Variants in CNTN4 observed in about 807,000 individuals in gnomAD.
CNTN4 encodes contactin 4, also known as contactin-4.
Under a neutral mutation model 122.5 loss-of-function variants are expected in CNTN4, and 77 were observed. The observed-to-expected ratio is 0.63, with a 90% CI of 0.52 to 0.76. The LOEUF (loss-of-function observed/expected upper bound fraction) is 0.76. Ranked by LOEUF, CNTN4 falls within the 30% of genes least tolerant of loss-of-function variation. CNTN4 has a pLI of 0.00. For synonymous variants in CNTN4, 512 were observed against 447.0 expected, an observed-to-expected ratio of 1.15 and a Z score of -1.83; for missense variants, 1,256 against 1,259.1, an observed-to-expected ratio of 1.00 and a Z score of 0.04.
intron 13 of CNTN4, among the ~76,000 whole-genome samples, chr3:2,933,528 A>G (rs182069749): frequency 9.1e-4 from 138 of 152,282 alleles, no homozygotes; most frequent in Non-Finnish European, 1.1e-3. Context: ...TGCGTGACTC[A>G]GTTCCCAAGC....
chr3:2,543,602 TA>T (rs1402377296), intron 3 of CNTN4, among the ~76,000 whole-genome samples: 1 of 152,022 alleles, frequency 6.6e-6, no homozygotes, highest in Non-Finnish European at 1.5e-5. Context: ...GTGAGGATAA[TA>T]GGGAGCCAAA....
At chr3:2,523,938 T>C (rs922723338) in intron 3 of CNTN4, among the ~76,000 whole-genome samples, 1 of 152,134 alleles carries the variant, frequency 6.6e-6, no homozygotes, top group Non-Finnish European at 1.5e-5. Context: ...TTGGAAAACC[T>C]TAAGGGAAAT....
chr3:2,240,661 C>T (rs765292277), intron 2 of CNTN4, among the ~76,000 whole-genome samples: 4 of 151,982 alleles, frequency 2.6e-5, no homozygotes, highest in Non-Finnish European at 5.9e-5. Context: ...TTAGTCATTG[C>T]ATTGTTTAGG....
intron 6 of CNTN4, among the ~76,000 whole-genome samples, chr3:2,795,520 C>T (rs1477778428): frequency 7.2e-6 from 1 of 139,130 alleles, no homozygotes; most frequent in Admixed American, 7.3e-5. Flanking sequence ...AAATGGGTAT[C>T]TTTTTTTTTT....
chr3:2,512,841 G>C (rs1005476173), intron 3 of CNTN4, among the ~76,000 whole-genome samples: 1 of 152,156 alleles, frequency 6.6e-6, no homozygotes, highest in Non-Finnish European at 1.5e-5. Flanking sequence ...TGAGTAGGCA[G>C]TAAGTCTCAA....
intron 2 of CNTN4, among the ~76,000 whole-genome samples, chr3:2,308,380 G>T (rs1429458666): frequency 6.6e-6 from 1 of 151,434 alleles, no homozygotes; most frequent in African/African-American, 2.4e-5. Flanking sequence ...TTTTTCTGTT[G>T]TTTTTTGTTT....
chr3:2,164,205 CA>C (rs777529728), intron 2 of CNTN4, among the ~76,000 whole-genome samples: 1 of 151,200 alleles, frequency 6.6e-6, no homozygotes, highest in African/African-American at 2.4e-5. Context: ...AAAATTAAAA[CA>C]AAGAAGAAAG....
chr3:2,122,144 C>G (rs141626341), intron 2 of CNTN4, among the ~76,000 whole-genome samples: 17,966 of 147,686 alleles, frequency 0.12, 1,466 homozygotes, highest in East Asian at 0.44. Flanking sequence ...GACAGAGCGA[C>G]ACTCCATCTC....
chr3:2,883,298 A>G (rs772909453), intron 9 of CNTN4, 51 bp downstream of exon 9: 7 of 1,394,822 alleles, frequency 5.0e-6, no homozygotes, highest in Middle Eastern at 1.8e-4. Context: ...TTGAGCAGGT[A>G]TAGAGTTTTT....
intron 2 of CNTN4, among the ~76,000 whole-genome samples, chr3:2,132,895 C>T (rs1266844345): frequency 6.6e-6 from 1 of 152,092 alleles, no homozygotes; most frequent in Admixed American, 6.6e-5. Flanking sequence ...AAAGTGACAG[C>T]GAGTCAAAGA....
intron 2 of CNTN4, among the ~76,000 whole-genome samples, chr3:2,189,635 A>AGG (rs1300199948): frequency 6.6e-6 from 1 of 152,176 alleles, no homozygotes; most frequent in East Asian, 1.9e-4. Context: ...AAAAAGAATG[A>AGG]GGGGCTGGAG....
At chr3:2,645,446 A>G (rs1180573492) in intron 4 of CNTN4, among the ~76,000 whole-genome samples, 2 of 152,182 alleles carry the variant, frequency 1.3e-5, no homozygotes, top group Admixed American at 6.5e-5. Flanking sequence ...ACATAGAACA[A>G]TTTATTCTTT....
At chr3:2,340,315 A>G (rs551717641) in intron 3 of CNTN4, among the ~76,000 whole-genome samples, 10 of 152,240 alleles carry the variant, frequency 6.6e-5, no homozygotes, top group African/African-American at 1.2e-4. Flanking sequence ...TTCCATTGGT[A>G]TACATAAAAT....
intron 3 of CNTN4, among the ~76,000 whole-genome samples, chr3:2,381,508 A>G (rs75208536): frequency 0.011 from 1,631 of 152,254 alleles, 30 homozygotes; most frequent in African/African-American, 0.036. Context: ...TCTTTGAACT[A>G]TAGTGTTCTG....
chr3:2,538,477 T>A (rs2149279858), intron 3 of CNTN4, among the ~76,000 whole-genome samples: 1 of 152,240 alleles, frequency 6.6e-6, no homozygotes, highest in African/African-American at 2.4e-5. Flanking sequence ...CTATGTTATT[T>A]CTAATAGTTT....
intron 2 of CNTN4, among the ~76,000 whole-genome samples, chr3:2,155,628 G>C (rs2035685487): frequency 6.6e-6 from 1 of 152,170 alleles, no homozygotes; most frequent in African/African-American, 2.4e-5. Context: ...ACAGTGATCT[G>C]GAAGGGTCTT....
intron 4 of CNTN4, among the ~76,000 whole-genome samples, chr3:2,728,436 G>T (rs1436339014): frequency 6.6e-6 from 1 of 152,176 alleles, no homozygotes; most frequent in Non-Finnish European, 1.5e-5. Context: ...TTCCCATTGG[G>T]TTCCCCCTTG....
intron 3 of CNTN4, among the ~76,000 whole-genome samples, chr3:2,394,616 A>G (rs140926874): frequency 1.3e-5 from 2 of 152,268 alleles, no homozygotes; most frequent in East Asian, 1.9e-4. Context: ...CTCATGTGTT[A>G]TAAGTCAGGG....
chr3:2,337,983 G>A (rs986664435), intron 2 of CNTN4, among the ~76,000 whole-genome samples: 11 of 152,040 alleles, frequency 7.2e-5, no homozygotes, highest in African/African-American at 2.7e-4. Context: ...GCTGACTAAT[G>A]TATATACAGC....
Sources: allele counts gnomAD v4.1 joint callset (sites outside exome capture counted in the v4.1 genomes callset), GRCh38; gene constraint gnomAD v4.1.1; transcripts MANE v1.5; gene names NCBI Gene and HGNC (gene_info 2026-07-23, HGNC 2026-07-21).